The following RSRC1 variants were observed in gnomAD, a reference collection of about 807,000 sequenced individuals.
RSRC1 encodes serine/Arginine-related protein 53.
A neutral mutation model predicts 49.1 loss-of-function variants in RSRC1; 39 were observed. The ratio of observed to expected loss-of-function variants is 0.79; its 90% CI spans 0.61 to 1.04. The LOEUF (loss-of-function observed/expected upper bound fraction) is 1.04, where lower values mean the gene tolerates loss of function less well. Ranked by LOEUF, RSRC1 falls within the 50% of genes least tolerant of loss-of-function variation. The probability of loss-of-function intolerance (pLI) is 0.00; values close to 1 mark genes in which losing one functional copy is unlikely to be tolerated. For missense variants in RSRC1, 388 were observed against 402.4 expected (o/e 0.96, Z 0.31); for synonymous variants, 143 against 130.8 (o/e 1.09, Z -0.63).
intron 3 of RSRC1, among the ~76,000 whole-genome samples, chr3:158,184,623 T>C (rs1719822002): frequency 6.6e-6 from 1 of 152,150 alleles, no homozygotes; most frequent in Non-Finnish European, 1.5e-5. Context: ...GGAAGTCTTA[T>C]TTAAAGGCAA....
intron 4 of RSRC1, among the ~76,000 whole-genome samples, chr3:158,222,292 C>G (rs1308488634): frequency 6.6e-6 from 1 of 151,370 alleles, no homozygotes; most frequent in African/African-American, 2.4e-5. Context: ...GGATCTGCTC[C>G]TATAGTCACA....
intron 9 of RSRC1, chr3:158,543,781 C>A: frequency 3.1e-6 from 1 of 317,598 alleles, no homozygotes. Context: ...TTGATCAGCA[C>A]CATGAGAAGT....
At chr3:158,196,974 T>G (rs1366272497) in intron 3 of RSRC1, among the ~76,000 whole-genome samples, 4 of 152,188 alleles carry the variant, frequency 2.6e-5, no homozygotes. Context: ...TTTTTTGTTG[T>G]GTCTCTGCCA....
intron 6 of RSRC1, among the ~76,000 whole-genome samples, chr3:158,384,357 C>T (rs910737854): frequency 6.6e-6 from 1 of 152,102 alleles, no homozygotes; most frequent in Non-Finnish European, 1.5e-5. Flanking sequence ...GTAATATAGG[C>T]AAGCCAGTAT....
intron 4 of RSRC1, among the ~76,000 whole-genome samples, chr3:158,285,927 A>T (rs9838399): frequency 0.48 from 72,398 of 151,944 alleles, 17,793 homozygotes; most frequent in East Asian, 0.64. Flanking sequence ...TTCCAACACT[A>T]TGTTGAATAG....
intron 6 of RSRC1, among the ~76,000 whole-genome samples, chr3:158,444,849 G>A (rs1488520933): frequency 2.6e-5 from 4 of 152,132 alleles, no homozygotes; most frequent in African/African-American, 9.7e-5. Flanking sequence ...CGAAGGATAT[G>A]AACAGACACT....
intron 5 of RSRC1, among the ~76,000 whole-genome samples, chr3:158,301,575 C>A (rs1444162040): frequency 1.3e-5 from 2 of 152,114 alleles, no homozygotes; most frequent in East Asian, 3.8e-4. Context: ...CCTAATAACA[C>A]CAATACTGTT....
intron 4 of RSRC1, among the ~76,000 whole-genome samples, chr3:158,269,599 G>C (rs1353701895): frequency 6.6e-6 from 1 of 151,856 alleles, no homozygotes; most frequent in Non-Finnish European, 1.5e-5. Context: ...TGCAACCTCT[G>C]CCTCCCGGGT....
At chr3:158,437,265 A>G (rs1282453837) in intron 6 of RSRC1, among the ~76,000 whole-genome samples, 1 of 152,112 alleles carries the variant, frequency 6.6e-6, no homozygotes, top group African/African-American at 2.4e-5. Context: ...TTCACCTATT[A>G]TAGCTTATTT....
chr3:158,172,610 C>T (rs1263670744), intron 3 of RSRC1, among the ~76,000 whole-genome samples: 2 of 152,136 alleles, frequency 1.3e-5, no homozygotes, highest in African/African-American at 4.8e-5. Flanking sequence ...GGTTAGCTAG[C>T]GTGTGTTTCT....
At chr3:158,335,713 G>T (rs543174205) in intron 5 of RSRC1, among the ~76,000 whole-genome samples, 30 of 152,270 alleles carry the variant, frequency 2.0e-4, no homozygotes, top group African/African-American at 6.5e-4. Flanking sequence ...TAGGATTTAT[G>T]GGCCCTGTAG....
chr3:158,338,617 C>T (rs947857605), intron 5 of RSRC1, among the ~76,000 whole-genome samples: 1 of 152,172 alleles, frequency 6.6e-6, no homozygotes, highest in Non-Finnish European at 1.5e-5. Flanking sequence ...AGATGGTGCT[C>T]ACAACCTTTA....
At chr3:158,385,175 T>C (rs893256290) in intron 6 of RSRC1, among the ~76,000 whole-genome samples, 2 of 152,176 alleles carry the variant, frequency 1.3e-5, no homozygotes, top group African/African-American at 4.8e-5. Context: ...AATTTATTTA[T>C]ACAAAAATAA....
intron 5 of RSRC1, among the ~76,000 whole-genome samples, chr3:158,342,993 A>G (rs1560002158): frequency 6.6e-6 from 1 of 152,222 alleles, no homozygotes. Context: ...AGGCCAAAGC[A>G]TCTGGGATTC....
intron 6 of RSRC1, among the ~76,000 whole-genome samples, chr3:158,458,157 G>A (rs1478253431): frequency 6.6e-6 from 1 of 152,034 alleles, no homozygotes; most frequent in Non-Finnish European, 1.5e-5. Context: ...AGTAAAGACA[G>A]CATAGTAAGT....
At chr3:158,260,586 G>A (rs1056359013) in intron 4 of RSRC1, among the ~76,000 whole-genome samples, 7 of 152,248 alleles carry the variant, frequency 4.6e-5, no homozygotes, top group Non-Finnish European at 7.4e-5. Flanking sequence ...ACCAGGTTGC[G>A]CGCATTTCAA....
intron 4 of RSRC1, among the ~76,000 whole-genome samples, chr3:158,245,731 A>G (rs1723851542): frequency 6.6e-6 from 1 of 152,150 alleles, no homozygotes; most frequent in South Asian, 2.1e-4. Flanking sequence ...TATGTAGGAT[A>G]GTTAGCTCTT....
At chr3:158,299,793 TTCACAC>T (rs150726739) in intron 5 of RSRC1, among the ~76,000 whole-genome samples, 72,292 of 151,930 alleles carry the variant, frequency 0.48, 17,744 homozygotes, top group East Asian at 0.64. Context: ...CAGTGACTAT[TTCACAC>T]ATTTATATTG....
At chr3:158,297,975 G>A (rs1727330615) in intron 4 of RSRC1, 64 bp from the exon 5 acceptor site, 1 of 1,156,480 alleles carries the variant, frequency 8.6e-7, no homozygotes, top group Non-Finnish European at 1.3e-6. Context: ...ACATTTTTGA[G>A]GTAAACAAAT....
Sources: gnomAD v4.1 joint callset for allele counts (sites outside exome capture counted in the v4.1 genomes callset) on GRCh38, gnomAD v4.1.1 for gene constraint, MANE v1.5 for transcripts, NCBI Gene and HGNC (gene_info 2026-07-23, HGNC 2026-07-21) for gene names.